MACROD1: variants seen among roughly 807,000 people sequenced by gnomAD.
MACROD1 encodes the protein mono-ADP ribosylhydrolase 1.
A neutral mutation model predicts 41.4 loss-of-function variants in MACROD1; 31 were observed. The observed-to-expected ratio is 0.75, with a 90% CI of 0.56 to 1.01. The LOEUF is 1.01. Ranked by LOEUF, MACROD1 falls within the 50% of genes least tolerant of loss-of-function variation. The pLI, the probability that MACROD1 is intolerant of heterozygous loss-of-function variation, is 0.00. For synonymous variants in MACROD1, 252 were observed against 203.4 expected, an observed-to-expected ratio of 1.24 and a Z score of -2.03; for missense variants, 473 against 460.0, an observed-to-expected ratio of 1.03 and a Z score of -0.26.
Position 64,143,801 on chromosome 11 carries a change from C to CACACACAA in MACROD1, c.517+7437_517+7438insTTGTGTGT, listed in dbSNP as rs762084927. ...ACACACACACACACACACACACACA[C>CACACACAA]AATTTCCTGGGGGCTCTGGAGCTCG... On this transcript the variant is annotated intron_variant, in intron 3 of 10. Transcript: ENST00000255681. 3.6e-3 allele frequency among the ~76,000 whole-genome samples: 526 copies of CACACACAA among 144,952 alleles called. 2 individuals are homozygous for CACACACAA. The highest frequency in any genetic ancestry group is 6.2e-3 in the Non-Finnish European group (403 of 64,878).
intron 3 of MACROD1, among the ~76,000 whole-genome samples, chr11:64,080,201 CG>C: frequency 6.6e-6 from 1 of 152,012 alleles, no homozygotes; most frequent in East Asian, 1.9e-4. Flanking sequence ...TTAGTAGAGA[CG>C]GGGTATCAAC....
At chr11:64,033,407 G>GT (rs943652165) in intron 3 of MACROD1, among the ~76,000 whole-genome samples, 6 of 152,132 alleles carry the variant, frequency 3.9e-5, no homozygotes, top group African/African-American at 4.8e-5. Flanking sequence ...ATTTTTGTTT[G>GT]TTTTTTAGGG....
intron 3 of MACROD1, among the ~76,000 whole-genome samples, chr11:64,046,791 G>T (rs986964932): frequency 6.6e-6 from 1 of 152,156 alleles, no homozygotes; most frequent in South Asian, 2.1e-4. Flanking sequence ...GAGCCGCTGC[G>T]CCTGGCCTGG....
At chr11:64,031,593 C>G (rs1473617233) in intron 3 of MACROD1, among the ~76,000 whole-genome samples, 2 of 151,152 alleles carry the variant, frequency 1.3e-5, no homozygotes, top group Non-Finnish European at 2.9e-5. Context: ...ATTCTCCTGC[C>G]TCAGCCTTCC....
At chr11:64,070,364 C>T (rs1158159385) in intron 3 of MACROD1, among the ~76,000 whole-genome samples, 3 of 152,142 alleles carry the variant, frequency 2.0e-5, no homozygotes, top group Non-Finnish European at 4.4e-5. Context: ...ATCCTCCTGG[C>T]CCTTCTGAGC....
chr11:64,037,335 G>A (rs1398475921), intron 3 of MACROD1, among the ~76,000 whole-genome samples: 1 of 152,044 alleles, frequency 6.6e-6, no homozygotes, highest in Admixed American at 6.5e-5. Context: ...CCCGGCGGCC[G>A]CGGGGGAGGC....
At chr11:64,071,938 G>A (rs957511296) in intron 3 of MACROD1, among the ~76,000 whole-genome samples, 5 of 152,318 alleles carry the variant, frequency 3.3e-5, no homozygotes, top group African/African-American at 1.2e-4. Context: ...TCTAGGTCCC[G>A]GCTCTGCAGT....
chr11:63,998,581 G>T lies in MACROD1; in HGVS notation c.*137C>A. ...GCTGCCACAACGAGATCTTTATTAG[G>T]CTCCTCGGGGGCGGGGCGCGGAGGG... On this transcript the variant is annotated 3_prime_UTR_variant, in exon 11 of 11. Transcript: ENST00000255681. 3 of 1,237,120 alleles carry T rather than the reference G, an allele frequency of 2.4e-6. No individual in the cohort carries two copies. The highest frequency in any genetic ancestry group is 3.1e-6 in the Non-Finnish European group (3 of 980,610). 76.6% of individuals were successfully genotyped at this position (1,237,120 alleles called of 1,614,324 possible).
chr11:64,016,081 G>T lies in MACROD1; in HGVS notation c.518-800C>A, dbSNP rs114887512. On this transcript the variant is annotated intron_variant, in intron 3 of 10. Coordinates refer to ENST00000255681, the MANE Select transcript of MACROD1 (RefSeq NM_014067.4). The stretch of plus-strand genomic sequence containing the variant: ...GCCCCCTCCTTGGACTAGGGGTAGT[G>T]CTGCCAGGCAGAGCTGGACTGACGG... 1.7e-3 allele frequency among the ~76,000 whole-genome samples: 258 copies of T among 152,318 alleles called. 2 individuals are homozygous for T. Among genetic ancestry groups the T allele is most frequent in the African/African-American group, 5.8e-3 (241 of 41,572 alleles).
rs577226421 is a variant in MACROD1, at chr11:64,154,686, G to A, written c.299-2293C>T. ...AGGCCCTTTGTACCTGCTGTGCTCT[G>A]CAGGATATGGGATAGTTTGCTTTTG... is the stretch of plus-strand genomic sequence containing the variant. On this transcript the variant is annotated intron_variant, in intron 1 of 10. Transcript: ENST00000255681. Among the ~76,000 whole-genome samples, 3 of 152,302 alleles carry A rather than the reference G, an allele frequency of 2.0e-5. 1 individual carries two copies. Among genetic ancestry groups the A allele is most frequent in the South Asian group, 2.1e-4 (1 of 4,828 alleles).
Position 64,082,413 on chromosome 11 carries a change from G to A in MACROD1, c.518-67132C>T, listed in dbSNP as rs138632100. 3.9e-3 allele frequency among the ~76,000 whole-genome samples: 586 copies of A among 152,070 alleles called. 5 individuals are homozygous for A. The highest frequency in any genetic ancestry group is 0.013 in the African/African-American group (536 of 41,484). On this transcript the variant is annotated intron_variant, in intron 3 of 10. Coordinates refer to ENST00000255681, the MANE Select transcript of MACROD1 (RefSeq NM_014067.4). This position sits in a 1 kb window ranked among gnomAD's most constrained non-coding sequence, Gnocchi z 4.5. ...CTGGGAGGGAGCCTGAAGTGGGGGC[G>A]TCCTAAGGTGAGGGGCAGGCAGGTG... is the stretch of plus-strand genomic sequence containing the variant.
rs540766623 is a variant in MACROD1, at chr11:64,128,095, G to A, written c.517+23144C>T. 2.0e-5 allele frequency among the ~76,000 whole-genome samples: 3 copies of A among 152,252 alleles called. No homozygotes were observed. In the South Asian group the frequency reaches 6.2e-4, roughly 32 times the overall value. ...GAGTGGGGTGACGTGGGCCCCACAGGTGCTCTCTGCCCCACCCTCCTCCTC... is the reference window on the plus strand; with the variant it reads ...GAGTGGGGTGACGTGGGCCCCACAGATGCTCTCTGCCCCACCCTCCTCCTC... On this transcript the variant is annotated intron_variant, in intron 3 of 10. Coordinates refer to ENST00000255681, the MANE Select transcript of MACROD1 (RefSeq NM_014067.4).
At chr11:64,162,549 T>A (rs1945771344) in intron 1 of MACROD1, among the ~76,000 whole-genome samples, 1 of 152,018 alleles carries the variant, frequency 6.6e-6, no homozygotes, top group Admixed American at 6.6e-5. Context: ...CCACAGTGGC[T>A]CACGACTGTA....
At chr11:64,095,554 A>G (rs1187762147) in intron 3 of MACROD1, among the ~76,000 whole-genome samples, 1 of 152,200 alleles carries the variant, frequency 6.6e-6, no homozygotes, top group Non-Finnish European at 1.5e-5. Flanking sequence ...GGAGGCTGGC[A>G]GAGCTGGTGG....
At chr11:64,091,884 C>T (rs1017915662) in intron 3 of MACROD1, among the ~76,000 whole-genome samples, 2 of 152,194 alleles carry the variant, frequency 1.3e-5, no homozygotes, top group Non-Finnish European at 2.9e-5. Flanking sequence ...TGGGCCAATC[C>T]CACCATCTGG....
chr11:64,054,867 C>T (rs968775266), intron 3 of MACROD1, among the ~76,000 whole-genome samples: 1 of 152,038 alleles, frequency 6.6e-6, no homozygotes, highest in South Asian at 2.1e-4. Context: ...GGAATTCTAG[C>T]ATCTCCCGTG....
At chr11:64,048,614 C>A (rs978859538) in intron 3 of MACROD1, among the ~76,000 whole-genome samples, 10 of 152,206 alleles carry the variant, frequency 6.6e-5, no homozygotes, top group Non-Finnish European at 1.3e-4. Context: ...CAGCGGAATT[C>A]TTACTGTTCC....
At chr11:64,158,924 G>A (rs897532927) in intron 1 of MACROD1, among the ~76,000 whole-genome samples, 4 of 152,044 alleles carry the variant, frequency 2.6e-5, no homozygotes, top group South Asian at 2.1e-4. Context: ...AGTGACTCAC[G>A]CCTGTAATCC....
intron 3 of MACROD1, among the ~76,000 whole-genome samples, chr11:64,042,696 C>G (rs149178846): frequency 6.6e-6 from 1 of 152,176 alleles, no homozygotes; most frequent in Non-Finnish European, 1.5e-5. Context: ...CTCCCCTGAT[C>G]CCCCAGTCAC....
Sources: gnomAD v4.1 joint callset for allele counts (sites outside exome capture counted in the v4.1 genomes callset) on GRCh38, gnomAD v4.1.1 for gene constraint, Gnocchi (gnomAD v3.1) non-coding constraint, MANE v1.5 for transcripts, NCBI Gene and HGNC (gene_info 2026-07-23, HGNC 2026-07-21) for gene names.